Variants in TAFA5 observed in about 807,000 individuals in gnomAD.
The protein encoded by TAFA5 is chemokine-like protein TAFA-5.
TAFA5 carries 6 observed loss-of-function variants against 15.3 expected under a neutral mutation model. The ratio of observed to expected loss-of-function variants is 0.39; its 90% CI spans 0.21 to 0.77. The LOEUF is 0.77. TAFA5 is among the 30% of genes least tolerant of loss of function. The pLI is 0.41. For missense variants in TAFA5, 161 were observed against 193.1 expected (o/e 0.83, Z 0.98); for synonymous variants, 103 against 80.7 (o/e 1.28, Z -1.48).
At position 48,489,704 on chromosome 22, in the gene TAFA5, A is replaced by G; in HGVS notation, c.112A>G (p.Ser38Gly). 1 of 1,473,920 alleles carries G rather than the reference A, an allele frequency of 6.8e-7. No homozygotes were observed. The highest frequency in any genetic ancestry group is 9.0e-7 in the Non-Finnish European group (1 of 1,105,450). 91.3% of individuals were successfully genotyped at this position (1,473,920 alleles called of 1,614,324 possible). The change falls in exon 1 of 4, where the codon AGT becomes GGT. Residue 38 changes from serine to glycine, a missense_variant and splice_region_variant. Physicochemically the swap from Ser to Gly is moderately conservative, Grantham distance 56. Coordinates refer to ENST00000402357, the MANE Select transcript of TAFA5 (RefSeq NM_001082967.3). This position sits in a 1 kb window ranked among gnomAD's most constrained non-coding sequence, Gnocchi z 5.5. ...ILASLLIAYCSQLAAGTCEIV... is the reference protein window; with the variant it reads ...ILASLLIAYCGQLAAGTCEIV... ...GGCCAGCCTGCTCATCGCCTACTGCAGTGAGTACCGCGCGGCCCCGGCCCC... is the reference window on the plus strand; with the variant it reads ...GGCCAGCCTGCTCATCGCCTACTGCGGTGAGTACCGCGCGGCCCCGGCCCC...
chr22:48,562,282 C>T (rs1037116499), intron 1 of TAFA5, among the ~76,000 whole-genome samples: 7 of 151,798 alleles, frequency 4.6e-5, no homozygotes, highest in African/African-American at 1.2e-4. Flanking sequence ...GGACTACAGG[C>T]GCCCGCCACT....
chr22:48,695,740 C>T (rs1477276561), intron 2 of TAFA5, among the ~76,000 whole-genome samples: 1 of 152,144 alleles, frequency 6.6e-6, no homozygotes, highest in Non-Finnish European at 1.5e-5. Flanking sequence ...GCAGCAGGGG[C>T]ACCTTCCTGA....
chr22:48,621,078 C>T (rs557369332), intron 1 of TAFA5, among the ~76,000 whole-genome samples: 3 of 96,842 alleles, frequency 3.1e-5, no homozygotes, highest in African/African-American at 1.3e-4. Flanking sequence ...TTCATCCATC[C>T]ACCCACCCAC....
intron 2 of TAFA5, among the ~76,000 whole-genome samples, chr22:48,649,928 C>T (rs2147205044): frequency 6.6e-6 from 1 of 152,276 alleles, no homozygotes; most frequent in East Asian, 1.9e-4. Flanking sequence ...TTTCCTCTCA[C>T]CAGGAGCCTC....
chr22:48,509,143 C>G (rs531114359), intron 1 of TAFA5, among the ~76,000 whole-genome samples: 3 of 152,230 alleles, frequency 2.0e-5, no homozygotes, highest in Non-Finnish European at 2.9e-5. Flanking sequence ...GACAGGATCT[C>G]ATCCTTCTTT....
intron 2 of TAFA5, among the ~76,000 whole-genome samples, chr22:48,674,943 GTTTTTTTT>G (rs60516251): frequency 6.9e-6 from 1 of 145,302 alleles, no homozygotes; most frequent in East Asian, 2.0e-4. Flanking sequence ...TGTCTGGCCA[GTTTTTTTT>G]TTTTTTTGAG....
At chr22:48,517,171 G>A (rs181061681) in intron 1 of TAFA5, among the ~76,000 whole-genome samples, 204 of 152,250 alleles carry the variant, frequency 1.3e-3, no homozygotes, top group African/African-American at 4.8e-3. Flanking sequence ...AGCAAAGGCT[G>A]CAGAGGCCTT....
At chr22:48,613,540 G>C (rs530250248) in intron 1 of TAFA5, among the ~76,000 whole-genome samples, 1 of 152,148 alleles carries the variant, frequency 6.6e-6, no homozygotes, top group South Asian at 2.1e-4. Flanking sequence ...GACTTGAGAC[G>C]GACTCCTGGC....
At chr22:48,551,718 A>C (rs1397945860) in intron 1 of TAFA5, among the ~76,000 whole-genome samples, 1 of 152,088 alleles carries the variant, frequency 6.6e-6, no homozygotes, top group African/African-American at 2.4e-5. Flanking sequence ...AAGCAGGTGC[A>C]GGAGGGGAGA....
intron 3 of TAFA5, among the ~76,000 whole-genome samples, chr22:48,731,001 GC>G (rs1929854794): frequency 6.6e-6 from 1 of 152,144 alleles, no homozygotes; most frequent in African/African-American, 2.4e-5. Flanking sequence ...TAGGCCTCTC[GC>G]ACCAGTCAGC....
chr22:48,534,046 G>A (rs572446383), intron 1 of TAFA5, among the ~76,000 whole-genome samples: 2 of 152,280 alleles, frequency 1.3e-5, no homozygotes, highest in South Asian at 2.1e-4. Context: ...CCTTTCAGGA[G>A]AGCCCACATG....
intron 3 of TAFA5, among the ~76,000 whole-genome samples, chr22:48,714,622 A>T (rs1341849729): frequency 6.6e-6 from 1 of 152,194 alleles, no homozygotes; most frequent in African/African-American, 2.4e-5. Context: ...AAACCAGGCG[A>T]TTAGGTGAAA....
At chr22:48,645,580 G>GC (rs1185573247) in intron 1 of TAFA5, among the ~76,000 whole-genome samples, 1 of 151,962 alleles carries the variant, frequency 6.6e-6, no homozygotes, top group Admixed American at 6.6e-5. Flanking sequence ...GCCTGACTCT[G>GC]CCCCCGGGGT....
chr22:48,635,613 C>G (rs1926417727), intron 1 of TAFA5, among the ~76,000 whole-genome samples: 1 of 152,262 alleles, frequency 6.6e-6, no homozygotes. Flanking sequence ...CACCAGCACT[C>G]CCCCTTTCCT....
intron 3 of TAFA5, among the ~76,000 whole-genome samples, chr22:48,729,019 TA>T (rs1929785442): frequency 6.6e-6 from 1 of 152,060 alleles, no homozygotes; most frequent in Non-Finnish European, 1.5e-5. Context: ...TATCGATCGC[TA>T]AATCTGGAAA....
At chr22:48,698,227 G>C (rs925945713) in intron 2 of TAFA5, among the ~76,000 whole-genome samples, 2 of 151,592 alleles carry the variant, frequency 1.3e-5, no homozygotes, top group Non-Finnish European at 2.9e-5. Context: ...AATGGCAGTG[G>C]TGATGATGAT....
chr22:48,640,502 C>T (rs547513030), intron 1 of TAFA5, among the ~76,000 whole-genome samples: 2 of 152,000 alleles, frequency 1.3e-5, no homozygotes, highest in South Asian at 2.1e-4. Flanking sequence ...TCCCCTGGGA[C>T]GTGGTCTCCC....
rs112181568 is a variant in TAFA5, at chr22:48,512,176, G to C, written c.112+22472G>C. Among the ~76,000 whole-genome samples the C allele has an allele frequency of 5.2e-3, 793 of 152,362 alleles. 11 individuals carry two copies. Among genetic ancestry groups the C allele is most frequent in the African/African-American group, 0.018 (767 of 41,594 alleles). On this transcript the variant is annotated intron_variant, in intron 1 of 3. Transcript: ENST00000402357. The stretch of plus-strand genomic sequence containing the variant: ...GCTGCAAGGGGACTGAGCCCCTGCA[G>C]GCTGCCTGGTGGGAGGAGGTGGAGG...
intron 1 of TAFA5, among the ~76,000 whole-genome samples, chr22:48,573,024 T>G (rs1424941494): frequency 6.6e-6 from 1 of 152,236 alleles, no homozygotes. Context: ...CCTCAGGCAC[T>G]GTGGGGACTG....
Sources: gnomAD v4.1 joint callset for allele counts (sites outside exome capture counted in the v4.1 genomes callset) on GRCh38, gnomAD v4.1.1 for gene constraint, Gnocchi (gnomAD v3.1) non-coding constraint, MANE v1.5 for transcripts, NCBI Gene and HGNC (gene_info 2026-07-23, HGNC 2026-07-21) for gene names.